PCLO: variants seen among roughly 807,000 people sequenced by gnomAD.
PCLO encodes the protein piccolo presynaptic cytomatrix protein.
A neutral mutation model predicts 427.5 loss-of-function variants in PCLO; 82 were observed. That is an observed-to-expected ratio of 0.19 (90% CI 0.16 to 0.23). The LOEUF (loss-of-function observed/expected upper bound fraction) is 0.23, where lower values mean the gene tolerates loss of function less well. PCLO is among the 10% of genes least tolerant of loss of function. The pLI is 1.00. For synonymous variants in PCLO, 2,357 were observed against 2,155.4 expected (o/e 1.09, Z -2.59); for missense variants, 6,239 against 6,115.9 (o/e 1.02, Z -0.67).
intron 10 of PCLO, among the ~76,000 whole-genome samples, chr7:82,873,124 T>A (rs1041492386): frequency 4.0e-5 from 6 of 151,862 alleles, no homozygotes. Flanking sequence ...GGTAAAATTG[T>A]AAGACAATGA....
In PCLO at chr7:82,896,456, G is replaced by T. The variant is rs143576754; in HGVS notation, c.13528+6195C>A. 3.2e-3 allele frequency among the ~76,000 whole-genome samples: 492 copies of T among 151,764 alleles called. 2 individuals are homozygous for T. The highest frequency in any genetic ancestry group is 0.011 in the African/African-American group (473 of 41,522). The stretch of plus-strand genomic sequence containing the variant: ...TGCTTGGAAAAGGCAAACTTACAGA[G>T]ACAAGAAGTAAATCAGTAGTTAGTT... On this transcript the variant is annotated intron_variant, in intron 9 of 24. Coordinates refer to ENST00000333891, the MANE Select transcript of PCLO (RefSeq NM_033026.6).
intron 22 of PCLO, among the ~76,000 whole-genome samples, chr7:82,766,257 C>T (rs560353866): frequency 6.6e-6 from 1 of 152,142 alleles, no homozygotes; most frequent in African/African-American, 2.4e-5. Context: ...AACAGACATG[C>T]CTCCCCATTA....
rs1405513992 is a variant in PCLO, at chr7:83,134,170, G to C, written c.3300+80C>G. 6 of 400,322 alleles carry C rather than the reference G, an allele frequency of 1.5e-5. 1 individual carries two copies. Among genetic ancestry groups the C allele is most frequent in the Non-Finnish European group, 2.4e-5 (6 of 249,810 alleles). The allele number at this position is 400,322 out of a possible 1,614,324, so 24.8% of individuals were successfully genotyped here. A position where few individuals can be genotyped will look rare whatever the true frequency, so the allele number is the denominator to read the frequency against. On this transcript the variant is annotated intron_variant, in intron 3 of 24. Transcript: ENST00000333891. The stretch of plus-strand genomic sequence containing the variant: ...AAATGTATTTTTTGCTCAGATATTT[G>C]GCCACCCAAATGTTTCAAAATAAAC...
chr7:83,050,981 T>C (rs1371637358), intron 3 of PCLO, among the ~76,000 whole-genome samples: 1 of 152,020 alleles, frequency 6.6e-6, no homozygotes, highest in Non-Finnish European at 1.5e-5. Flanking sequence ...TATGATTATA[T>C]GAATAGATGC....
At chr7:83,055,115 T>C (rs1482264412) in intron 3 of PCLO, among the ~76,000 whole-genome samples, 2 of 152,110 alleles carry the variant, frequency 1.3e-5, no homozygotes. Context: ...CAGCACGTTT[T>C]TGCTAATAAA....
intron 6 of PCLO, 48 bp downstream of exon 6, chr7:82,949,428 G>A: frequency 2.9e-6 from 4 of 1,394,174 alleles, no homozygotes; most frequent in South Asian, 1.4e-5. Context: ...GAAAACACAT[G>A]ATTAATAACT....
chr7:82,866,565 G>C (rs1296809037), intron 10 of PCLO, among the ~76,000 whole-genome samples: 2 of 151,472 alleles, frequency 1.3e-5, no homozygotes, highest in African/African-American at 4.9e-5. Context: ...TACGATTTGG[G>C]GAATGAGTAG....
At chr7:82,873,033 G>C (rs1793275272) in intron 10 of PCLO, among the ~76,000 whole-genome samples, 1 of 152,198 alleles carries the variant, frequency 6.6e-6, no homozygotes, top group Middle Eastern at 3.4e-3. Context: ...AGTAACAGAG[G>C]TTTGTGAGTT....
chr7:83,110,432 G>A (rs1044659794), intron 3 of PCLO, among the ~76,000 whole-genome samples: 1 of 151,708 alleles, frequency 6.6e-6, no homozygotes, highest in African/African-American at 2.4e-5. Context: ...TTTTCAAAAT[G>A]CCCTCTCCTA....
intron 22 of PCLO, among the ~76,000 whole-genome samples, chr7:82,781,483 G>A (rs755816639): frequency 9.9e-5 from 13 of 131,756 alleles, no homozygotes; most frequent in Non-Finnish European, 1.6e-4. Context: ...GATGTGTGTT[G>A]TTCCCCTCTC....
intron 14 of PCLO, among the ~76,000 whole-genome samples, 174 bp from the exon 15 acceptor site, chr7:82,838,516 G>A (rs1314271907): frequency 1.3e-5 from 2 of 151,798 alleles, no homozygotes; most frequent in African/African-American, 2.4e-5. Context: ...GAGCTCCCAG[G>A]CATATTTTAA....
intron 22 of PCLO, among the ~76,000 whole-genome samples, chr7:82,792,087 TTCTC>T (rs1366587374): frequency 2.0e-5 from 3 of 152,122 alleles, no homozygotes; most frequent in African/African-American, 4.8e-5. Flanking sequence ...GAAAAAAACT[TTCTC>T]TATTCAACAA....
At chr7:82,857,617 C>T (rs1792842573) in intron 10 of PCLO, among the ~76,000 whole-genome samples, 1 of 151,928 alleles carries the variant, frequency 6.6e-6, no homozygotes, top group Non-Finnish European at 1.5e-5. Context: ...CATTTTATAA[C>T]ATAATTTGAC....
chr7:82,835,419 TA>T (rs1407148740), intron 16 of PCLO, among the ~76,000 whole-genome samples: 21 of 152,210 alleles, frequency 1.4e-4, no homozygotes, highest in African/African-American at 4.8e-4. Context: ...ATGGTAATAA[TA>T]TTTTTTTCAT....
chr7:82,782,142 C>A (rs980683321), intron 22 of PCLO, among the ~76,000 whole-genome samples: 7 of 152,164 alleles, frequency 4.6e-5, no homozygotes, highest in African/African-American at 1.7e-4. Context: ...GTCTTGGGGA[C>A]TGAGCCCTTG....
chr7:82,940,755 C>CTTTT (rs71531190), intron 6 of PCLO, among the ~76,000 whole-genome samples: 3,260 of 108,900 alleles, frequency 0.03, 2 homozygotes, highest in Non-Finnish European at 0.04. Context: ...TTTTTTCTTT[C>CTTTT]TTTTTTTTTT....
At chr7:82,893,991 T>C (rs993141949) in intron 9 of PCLO, among the ~76,000 whole-genome samples, 13 of 152,100 alleles carry the variant, frequency 8.5e-5, no homozygotes, top group African/African-American at 2.9e-4. Flanking sequence ...TGTGTTTTAT[T>C]TTATATGTAA....
At chr7:82,760,839 A>C (rs1200203109) in intron 23 of PCLO, 55 bp from the exon 24 acceptor site, 1 of 979,962 alleles carries the variant, frequency 1.0e-6, no homozygotes, top group African/African-American at 1.7e-5. Context: ...ATTTCTATTG[A>C]AAGAATTATA....
At chr7:82,924,412 AAT>A (rs1343378663) in intron 6 of PCLO, among the ~76,000 whole-genome samples, 2 of 152,254 alleles carry the variant, frequency 1.3e-5, no homozygotes, top group East Asian at 3.9e-4. Context: ...CTATTTTAAT[AAT>A]ACAGTTTTAT....
Sources: gnomAD v4.1 joint callset for allele counts (sites outside exome capture counted in the v4.1 genomes callset) on GRCh38, gnomAD v4.1.1 for gene constraint, MANE v1.5 for transcripts, NCBI Gene and HGNC (gene_info 2026-07-23, HGNC 2026-07-21) for gene names.